The following ATF2 variants were observed in gnomAD, a reference collection of about 807,000 sequenced individuals.
ATF2 encodes activating transcription factor 2, also known as cyclic AMP-dependent transcription factor ATF-2.
In ATF2, 24 loss-of-function variants were observed where a neutral mutation model predicts 60.6. That is an observed-to-expected ratio of 0.40 (90% CI 0.29 to 0.56). The LOEUF is 0.56. ATF2 is among the 20% of genes least tolerant of loss of function. The pLI is 0.54. For missense variants in ATF2, 433 were observed against 607.7 expected (o/e 0.71, Z 3.02); for synonymous variants, 206 against 215.4 (o/e 0.96, Z 0.38).
intron 7 of ATF2, among the ~76,000 whole-genome samples, chr2:175,115,676 A>G (rs887830814): frequency 6.6e-6 from 1 of 152,202 alleles, no homozygotes; most frequent in African/African-American, 2.4e-5. Flanking sequence ...AAGTAGTAGT[A>G]TTGTAACTTC....
At chr2:175,090,735 T>C (rs1694486780) in intron 12 of ATF2, among the ~76,000 whole-genome samples, 1 of 152,096 alleles carries the variant, frequency 6.6e-6, no homozygotes, top group East Asian at 1.9e-4. Flanking sequence ...TTTAATAGTC[T>C]CATGCTTCAA....
intron 12 of ATF2, among the ~76,000 whole-genome samples, chr2:175,088,033 TA>T (rs1187014758): frequency 2.0e-5 from 3 of 152,138 alleles, no homozygotes; most frequent in African/African-American, 4.8e-5. Flanking sequence ...GAATGAAAAA[TA>T]ACTAGCATTT....
At chr2:175,143,522 G>A (rs1332635376) in intron 2 of ATF2, among the ~76,000 whole-genome samples, 1 of 152,048 alleles carries the variant, frequency 6.6e-6, no homozygotes, top group Non-Finnish European at 1.5e-5. Flanking sequence ...AAGTGAAACT[G>A]CTATATCAAA....
At chr2:175,154,202 G>A (rs1321385177) in intron 1 of ATF2, among the ~76,000 whole-genome samples, 4 of 146,796 alleles carry the variant, frequency 2.7e-5, no homozygotes, top group South Asian at 2.1e-4. Context: ...CAAGAAGAGC[G>A]AAACTCCATC....
At chr2:175,159,829 G>C (rs1699907709) in intron 1 of ATF2, among the ~76,000 whole-genome samples, 1 of 152,128 alleles carries the variant, frequency 6.6e-6, no homozygotes, top group Non-Finnish European at 1.5e-5. Context: ...ATAAACAACA[G>C]TAGCACAAGT....
rs574806958 is a variant in ATF2 at position 175,084,500 on chromosome 2, G to T, written c.1186-3735C>A. Among the ~76,000 whole-genome samples the T allele has an allele frequency of 1.1e-4, 12 of 111,552 alleles. No individual in the cohort carries two copies. In the East Asian group the frequency reaches 3.3e-3, roughly 31 times the overall value. 73.2% of individuals were successfully genotyped at this position (111,552 alleles called of 152,430 possible). ...CACACTCTGGGGACTGTTGTGGGGT[G>T]GGGGGAGGGGGGAGGGATAGCATTA... On this transcript the variant is annotated intron_variant, in intron 12 of 13. Transcript: ENST00000264110.
intron 10 of ATF2, among the ~76,000 whole-genome samples, chr2:175,111,007 T>C (rs1696143513): frequency 6.6e-6 from 1 of 152,208 alleles, no homozygotes; most frequent in South Asian, 2.1e-4. Flanking sequence ...CAAAGCTTAA[T>C]CTTTTTATTT....
rs777318702 is a variant in ATF2 at position 175,111,610 on chromosome 2, T to G, written c.786A>C (p.Pro262=). The G allele has an allele frequency of 5.5e-5, 89 of 1,613,858 alleles. No homozygotes were observed. The highest frequency in any genetic ancestry group is 6.7e-5 in the Non-Finnish European group (79 of 1,179,866). Reference sequence around the variant, plus strand: ...GTACTGGTTGGGGAGAGGAAGGACCTGGGATTCCTGGAACACTAGGCACCA... The same window carrying G: ...GTACTGGTTGGGGAGAGGAAGGACCGGGGATTCCTGGAACACTAGGCACCA... ...VTMVPSVPGI[P]GPSSPQPVQS... The change falls in exon 10 of 14, where the codon CCA becomes CCC. Residue 262 remains proline (P), a synonymous_variant. Coordinates refer to ENST00000264110, the MANE Select transcript of ATF2 (RefSeq NM_001880.4).
At chr2:175,113,518 G>A (rs1471328762) in intron 9 of ATF2, among the ~76,000 whole-genome samples, 2 of 151,912 alleles carry the variant, frequency 1.3e-5, no homozygotes, top group Non-Finnish European at 2.9e-5. Flanking sequence ...TTTTTGCGGG[G>A]TCTTTTCACA....
chr2:175,079,949 G>A (rs1386494960), intron 13 of ATF2, among the ~76,000 whole-genome samples: 1 of 151,942 alleles, frequency 6.6e-6, no homozygotes, highest in African/African-American at 2.4e-5. Flanking sequence ...GACAAAATTG[G>A]CCATTTATTC....
At chr2:175,085,614 T>C (rs1322543436) in intron 12 of ATF2, among the ~76,000 whole-genome samples, 1 of 151,190 alleles carries the variant, frequency 6.6e-6, no homozygotes, top group Admixed American at 6.6e-5. Context: ...TCTCTTTAAA[T>C]AGACAGGTCT....
At chr2:175,156,377 CAAAA>C (rs57399474) in intron 1 of ATF2, among the ~76,000 whole-genome samples, 7,116 of 55,878 alleles carry the variant, frequency 0.13, 80 homozygotes, top group Middle Eastern at 0.23. Flanking sequence ...TCTCAAAAAA[CAAAA>C]AAAAAAAAAA....
Position 175,080,710 on chromosome 2 carries a change from G to A in ATF2, c.1241C>T (p.Ala414Val). 6.2e-7 allele frequency: 1 copy of A among 1,613,206 alleles called. No homozygotes were observed. The highest frequency in any genetic ancestry group is 1.3e-5 in the African/African-American group (1 of 74,986). ...GGCGGTTACAGGGCAATCTTTATGA[G>A]CCAGAAGAAGCTGTTTCAGCTGTGC... The part of the protein sequence containing the change: ...EVAQLKQLLL[A>V]HKDCPVTAMQ... The change falls in exon 13 of 14, where the codon GCT becomes GTT. Residue 414 changes from alanine to valine, a missense_variant. Physicochemically the swap from Ala to Val is moderately conservative, Grantham distance 64 (BLOSUM62 0). Around this residue, in one of 5 missense-constraint regions of ATF2, gnomAD observed 24 missense variants for 75.4 expected, o/e 0.32. Transcript: ENST00000264110.
At position 175,114,033 on chromosome 2, in the gene ATF2, T is replaced by C. The variant is rs1696382144; in HGVS notation, c.702A>G (p.Ser234=). 6.2e-7 allele frequency: 1 copy of C among 1,612,670 alleles called. No homozygotes were observed. ...GQTMPVAIPA[S]ITSSNVHVPA... ...GAACATGCACATTAGAACTTGTAAT[T>C]GATGCAGGAATAGCAACAGGCATGG... Residue 234 remains serine (S), a synonymous_variant, in exon 9 of 14, where the codon TCA becomes TCG. Coordinates refer to ENST00000264110, the MANE Select transcript of ATF2 (RefSeq NM_001880.4).
At chr2:175,164,919 C>T (rs375333952) in intron 1 of ATF2, among the ~76,000 whole-genome samples, 27 of 152,334 alleles carry the variant, frequency 1.8e-4, no homozygotes, top group African/African-American at 6.3e-4. Context: ...TGCAGTGGCA[C>T]GATCGGCTCT....
chr2:175,097,353 A>G, intron 11 of ATF2, 91 bp downstream of exon 11: 1 of 1,503,316 alleles, frequency 6.7e-7, no homozygotes, highest in South Asian at 1.3e-5. Context: ...CAACATGACC[A>G]GAGTAATATT....
chr2:175,129,990 T>C (rs1697615022), intron 4 of ATF2, 148 bp downstream of exon 4: 1 of 554,422 alleles, frequency 1.8e-6, no homozygotes, highest in Admixed American at 4.0e-5. Flanking sequence ...CAGAATTTCT[T>C]GCCAAAAGTT....
intron 4 of ATF2, among the ~76,000 whole-genome samples, chr2:175,124,014 TATTTA>T (rs1297378058): frequency 6.6e-6 from 1 of 152,054 alleles, no homozygotes; most frequent in Non-Finnish European, 1.5e-5. Context: ...ATGCATTCTT[TATTTA>T]TTTATAAAAT....
At chr2:175,139,501 G>A (rs928190535) in intron 2 of ATF2, among the ~76,000 whole-genome samples, 89 of 151,856 alleles carry the variant, frequency 5.9e-4, no homozygotes, top group African/African-American at 1.8e-3. Flanking sequence ...GTGAAACCCC[G>A]TCTCTACTAA....
Sources: gnomAD v4.1 joint callset for allele counts (sites outside exome capture counted in the v4.1 genomes callset) on GRCh38, gnomAD v4.1.1 for gene constraint, gnomAD v4.1.1 regional missense constraint, MANE v1.5 for transcripts, NCBI Gene and HGNC (gene_info 2026-07-23, HGNC 2026-07-21) for gene names.